The following DCLRE1B variants were observed in gnomAD, a reference collection of about 807,000 sequenced individuals.
The protein encoded by DCLRE1B is DNA cross-link repair 1B.
A neutral mutation model predicts 19.8 loss-of-function variants in DCLRE1B; 6 were observed. The ratio of observed to expected loss-of-function variants is 0.30; its 90% CI spans 0.17 to 0.60. The LOEUF is 0.60. Among genes scored for constraint, DCLRE1B ranks in the 20% least tolerant of loss-of-function variants. The pLI, the probability that DCLRE1B is intolerant of heterozygous loss-of-function variation, is 0.87. For missense variants in DCLRE1B, 622 were observed against 654.2 expected, an observed-to-expected ratio of 0.95 and a Z score of 0.54; for synonymous variants, 258 against 255.7, an observed-to-expected ratio of 1.01 and a Z score of -0.09.
In DCLRE1B at chr1:113,906,980, C is replaced by A. The variant is rs1420393374; in HGVS notation, c.190-16C>A. On this transcript the variant is annotated splice_polypyrimidine_tract_variant and intron_variant, in intron 1 of 3. Transcript: ENST00000650450. Reference sequence around the variant, plus strand: ...GAGGAGTCAGTGGTCACTGGGATGACTAACTGTTTTCTCAGGTATCTAAGC... The same window carrying A: ...GAGGAGTCAGTGGTCACTGGGATGAATAACTGTTTTCTCAGGTATCTAAGC... The A allele has an allele frequency of 6.2e-7, 1 of 1,613,554 alleles. No individual in the cohort carries two copies. The highest frequency in any genetic ancestry group is 1.1e-5 in the South Asian group (1 of 91,036).
At position 113,907,164 on chromosome 1, in the gene DCLRE1B, G is replaced by A; in HGVS notation, c.355+3G>A. 6.4e-7 allele frequency: 1 copy of A among 1,561,476 alleles called. No individual in the cohort carries two copies. Among genetic ancestry groups the A allele is most frequent in the Non-Finnish European group, 8.7e-7 (1 of 1,150,208 alleles). On this transcript the variant is annotated splice_donor_region_variant and intron_variant, in intron 2 of 3. Transcript: ENST00000650450. Reference sequence around the variant, plus strand: ...TTTTGGAACCATCCTCTACACAGGTGGGCCTCTCAAGGAATCCCAGTGACT... The same window carrying A: ...TTTTGGAACCATCCTCTACACAGGTAGGCCTCTCAAGGAATCCCAGTGACT...
Position 113,908,115 on chromosome 1 carries a change from TCTTC to T in DCLRE1B, c.468_471del (p.Ser157AspfsTer20). On this transcript the variant is annotated frameshift_variant, in exon 3 of 4. Coordinates refer to ENST00000650450, the MANE Select transcript of DCLRE1B (RefSeq NM_022836.4). LOFTEE classifies it high-confidence loss of function. ...ACACCAATTGCAATCCAGCCCTGGT[TCTTC>T]CTTCCCGACAAGAAGCTGCCCACCA... is the stretch of plus-strand genomic sequence containing the variant. 1 of 1,614,216 alleles carries T rather than the reference TCTTC, an allele frequency of 6.2e-7. No individual in the cohort carries two copies.
upstream of DCLRE1B, chr1:113,904,791 A>T: frequency 7.9e-7 from 1 of 1,262,488 alleles, no homozygotes; most frequent in Non-Finnish European, 1.2e-6. Context: ...CTGATGTGGG[A>T]GCCTGAGTAA....
rs1014784190 is a variant in DCLRE1B at position 113,912,313 on chromosome 1, T to C, written c.*122T>C. On this transcript the variant is annotated 3_prime_UTR_variant, in exon 4 of 4. Coordinates refer to ENST00000650450, the MANE Select transcript of DCLRE1B (RefSeq NM_022836.4). Reference sequence around the variant, plus strand: ...CTTTTCTATCTTTACAAGACTCTTATGGGCCCACCGTGGAGCAGCACTTCC... The same window carrying C: ...CTTTTCTATCTTTACAAGACTCTTACGGGCCCACCGTGGAGCAGCACTTCC... The C allele has an allele frequency of 3.4e-5, 35 of 1,022,732 alleles. No homozygotes were observed. The highest frequency in any genetic ancestry group is 3.3e-4 in the Middle Eastern group (1 of 3,070). 63.4% of individuals were successfully genotyped at this position (1,022,732 alleles called of 1,614,324 possible).
At chr1:113,909,658 A>G (rs886855644) in intron 3 of DCLRE1B, among the ~76,000 whole-genome samples, 1 of 152,250 alleles carries the variant, frequency 6.6e-6, no homozygotes, top group African/African-American at 2.4e-5. Context: ...AATTTTCTCA[A>G]AAAAGCAAAG....
In DCLRE1B at chr1:113,912,383, T is replaced by C; in HGVS notation, c.*192T>C. The C allele has an allele frequency of 2.0e-6, 1 of 505,106 alleles. No individual in the cohort carries two copies. 31.3% of individuals were successfully genotyped at this position (505,106 alleles called of 1,614,324 possible). On this transcript the variant is annotated 3_prime_UTR_variant, in exon 4 of 4. Transcript: ENST00000650450. ...TCCTCGTGCCTATGGAATCCTTCTT[T>C]TTATAACTAAGTTTAAGAAATACTT...
chr1:113,907,208 T>TTTTTTTG, intron 2 of DCLRE1B, 47 bp downstream of exon 2: 1 of 694,066 alleles, frequency 1.4e-6, no homozygotes, highest in Non-Finnish European at 1.8e-6. Context: ...CTAGATGTTT[T>TTTTTTTG]TTTTTTTTTT....
Position 113,911,511 on chromosome 1 carries a change from C to A in DCLRE1B, c.919C>A (p.Gln307Lys). 6.2e-7 allele frequency: 1 copy of A among 1,614,010 alleles called. No homozygotes were observed. The highest frequency in any genetic ancestry group is 2.2e-5 in the East Asian group (1 of 44,906). ...IVSRRPCGGFQDSLSPRISVP... is the reference protein window; with the variant it reads ...IVSRRPCGGFKDSLSPRISVP... ...AAGTCGGCGGCCCTGTGGAGGCTTT[C>A]AGGACAGTCTGAGCCCCAGGATCTC... Residue 307 changes from glutamine to lysine, a missense_variant, in exon 4 of 4, where the codon CAG (glutamine) becomes AAG (lysine). Physicochemically the swap from Gln to Lys is moderately conservative, Grantham distance 53 (BLOSUM62 1). Transcript: ENST00000650450.
In DCLRE1B at chr1:113,911,761, C is replaced by T. The variant is rs1221115996; in HGVS notation, c.1169C>T (p.Ser390Phe). 9 of 1,614,172 alleles carry T rather than the reference C, an allele frequency of 5.6e-6. No homozygotes were observed. The African/African-American group carries it at 6.7e-5, about 12-fold the overall frequency. The change falls in exon 4 of 4, where the codon TCC becomes TTC. Residue 390 changes from serine to phenylalanine, a missense_variant. Physicochemically the swap from Ser to Phe is radical, Grantham distance 155. This residue lies in a region of DCLRE1B where 382 missense variants were observed against 412.5 expected (regional missense o/e 0.93). Coordinates refer to ENST00000650450, the MANE Select transcript of DCLRE1B (RefSeq NM_022836.4). ...CCTGCGGACCTTGAAAAGCAGCCTT[C>T]CCACCATCCTTTGCGGATCAAGAAG... ...PWPADLEKQPSHHPLRIKKQL... is the reference protein window; with the variant it reads ...PWPADLEKQPFHHPLRIKKQL...
intron 3 of DCLRE1B, 74 bp from the exon 4 acceptor site, chr1:113,911,057 G>C (rs549154914): frequency 1.0e-5 from 14 of 1,374,066 alleles, no homozygotes; most frequent in Admixed American, 6.8e-5. Flanking sequence ...ACATTTTGTT[G>C]ATTTATTAGG....
At position 113,905,375 on chromosome 1, in the gene DCLRE1B, A is replaced by G. The variant is rs1020452339; in HGVS notation, c.-212A>G. On this transcript the variant is annotated 5_prime_UTR_variant, in exon 1 of 4. Transcript: ENST00000650450. ...CGCTCCCGCGCGGTTGGGAGTGTCC[A>G]GCGCCCTCCGCGATTTGGGCTCCAG... The G allele has an allele frequency of 6.8e-6, 4 of 584,460 alleles. No individual in the cohort carries two copies. Among genetic ancestry groups the G allele is most frequent in the South Asian group, 4.5e-5 (2 of 44,442 alleles). The allele number at this position is 584,460 out of a possible 1,614,324, so 36.2% of individuals were successfully genotyped here. A position where few individuals can be genotyped will look rare whatever the true frequency, so the allele number is the denominator to read the frequency against.
At position 113,905,663 on chromosome 1, in the gene DCLRE1B, T is replaced by C; in HGVS notation, c.77T>C (p.Leu26Pro). 1 of 1,613,972 alleles carries C rather than the reference T, an allele frequency of 6.2e-7. No individual in the cohort carries two copies. The highest frequency in any genetic ancestry group is 8.5e-7 in the Non-Finnish European group (1 of 1,179,890). The change falls in exon 1 of 4, where the codon CTC (leucine) becomes CCC (proline). Residue 26 changes from leucine (L) to proline (P), a missense_variant. Around this residue, in one of 3 missense-constraint regions of DCLRE1B, gnomAD observed 237 missense variants for 223.8 expected, o/e 1.06. Coordinates refer to ENST00000650450, the MANE Select transcript of DCLRE1B (RefSeq NM_022836.4). ...WSLRRAGTAR[L>P]FFLSHMHSDH... ...CTGCGCCGGGCTGGCACCGCACGTCTCTTCTTCTTGTCTCACATGCACTCG... is the reference window on the plus strand; with the variant it reads ...CTGCGCCGGGCTGGCACCGCACGTCCCTTCTTCTTGTCTCACATGCACTCG...
In DCLRE1B at chr1:113,911,393, T is replaced by C; in HGVS notation, c.801T>C (p.Asp267=). The C allele has an allele frequency of 6.2e-7, 1 of 1,614,202 alleles. No homozygotes were observed. Among genetic ancestry groups the C allele is most frequent in the Non-Finnish European group, 8.5e-7 (1 of 1,180,034 alleles). ...GAAAAATCCACAGCTCCCACCCTGA[T>C]ATCCACGTCATCCCTTACTCTGACC... The part of the protein sequence containing the change: ...TSRKIHSSHP[D]IHVIPYSDHS... Residue 267 remains aspartate, a synonymous_variant, in exon 4 of 4, where the codon GAT becomes GAC. Coordinates refer to ENST00000650450, the MANE Select transcript of DCLRE1B (RefSeq NM_022836.4).
At chr1:113,911,062 A>G (rs902580118) in intron 3 of DCLRE1B, 69 bp from the exon 4 acceptor site, 2 of 1,410,258 alleles carry the variant, frequency 1.4e-6, no homozygotes, top group Non-Finnish European at 1.9e-6. Flanking sequence ...TTGTTGATTT[A>G]TTAGGATTTT....
chr1:113,907,291 C>T, intron 2 of DCLRE1B, 130 bp downstream of exon 2: 1 of 821,416 alleles, frequency 1.2e-6, no homozygotes, highest in Non-Finnish European at 1.8e-6. Context: ...CTCCTGACCT[C>T]AAGCAATCCT....
chr1:113,905,603 TC>T lies in DCLRE1B; in HGVS notation c.22del (p.His8IlefsTer75). The T allele has an allele frequency of 1.2e-6, 2 of 1,614,018 alleles. No individual in the cohort carries two copies. The highest frequency in any genetic ancestry group is 1.7e-6 in the Non-Finnish European group (2 of 1,179,996). On this transcript the variant is annotated frameshift_variant, in exon 1 of 4. Coordinates refer to ENST00000650450, the MANE Select transcript of DCLRE1B (RefSeq NM_022836.4). LOFTEE classifies it high-confidence loss of function. MNGVL[I>X]PHTPIAVDFW... ...CCTACCACCATGAATGGGGTCCTGA[TC>T]CCCCATACGCCCATCGCAGTGGACT...
Position 113,907,218 on chromosome 1 carries a change from T to TG in DCLRE1B, c.355+57_355+58insG, listed in dbSNP as rs1339226697. 4.9e-4 allele frequency: 608 copies of TG among 1,228,936 alleles called. 11 individuals carry two copies. In the African/African-American group the frequency reaches 9.8e-3, roughly 20 times the overall value. The allele number at this position is 1,228,936 out of a possible 1,614,324, so 76.1% of individuals were successfully genotyped here. A position where few individuals can be genotyped will look rare whatever the true frequency, so the allele number is the denominator to read the frequency against. On this transcript the variant is annotated intron_variant, in intron 2 of 3. Transcript: ENST00000650450. The stretch of plus-strand genomic sequence containing the variant: ...CCAGACTAGATGTTTTTTTTTTTTT[T>TG]TTTTTTTTTTTTTTTTAATGTATAG...
At position 113,905,408 on chromosome 1, in the gene DCLRE1B, G is replaced by A. The variant is rs1382173971; in HGVS notation, c.-179G>A. The A allele has an allele frequency of 1.5e-5, 10 of 654,280 alleles. No individual in the cohort carries two copies. The highest frequency in any genetic ancestry group is 2.5e-5 in the Non-Finnish European group (10 of 395,098). 40.5% of individuals were successfully genotyped at this position (654,280 alleles called of 1,614,324 possible). A position where few individuals can be genotyped will look rare whatever the true frequency, so the allele number is the denominator to read the frequency against. ...CCGCGATTTGGGCTCCAGCGGGCAG[G>A]GTGACTTCCTTTTTCTGCCCACTCT... On this transcript the variant is annotated 5_prime_UTR_variant, in exon 1 of 4. Transcript: ENST00000650450.
At chr1:113,908,489 T>G (rs888474833) in intron 3 of DCLRE1B, among the ~76,000 whole-genome samples, 1 of 152,150 alleles carries the variant, frequency 6.6e-6, no homozygotes, top group Admixed American at 6.5e-5. Flanking sequence ...GTGCCTGTGG[T>G]CCCAGCTACA....
Sources: gnomAD v4.1 joint callset for allele counts (sites outside exome capture counted in the v4.1 genomes callset) on GRCh38, gnomAD v4.1.1 for gene constraint, gnomAD v4.1.1 regional missense constraint, MANE v1.5 for transcripts, NCBI Gene and HGNC (gene_info 2026-07-23, HGNC 2026-07-21) for gene names.